PCDHGB2: variants seen among roughly 807,000 people sequenced by gnomAD.
The protein encoded by PCDHGB2 is protocadherin gamma subfamily B, 2.
In PCDHGB2, 55 loss-of-function variants were observed where a neutral mutation model predicts 59.3. The observed-to-expected ratio is 0.93, with a 90% confidence interval of 0.75 to 1.16. PCDHGB2 has a LOEUF of 1.16. Among genes scored for constraint, PCDHGB2 ranks in the 50% most tolerant of loss-of-function variants. The pLI, the probability that PCDHGB2 is intolerant of heterozygous loss-of-function variation, is 0.00. For synonymous variants in PCDHGB2, 516 were observed against 512.0 expected (o/e 1.01, Z -0.11); for missense variants, 1,228 against 1,198.5 (o/e 1.02, Z -0.36).
At chr5:141,500,215 T>G (rs888740312) in intron 2 of PCDHGB2, among the ~76,000 whole-genome samples, 8 of 150,660 alleles carry the variant, frequency 5.3e-5, no homozygotes, top group African/African-American at 1.9e-4. Context: ...TTTATTTATT[T>G]ATTTATTTAT....
At chr5:141,427,566 C>A (rs1218268757) in intron 1 of PCDHGB2, 1 of 659,032 alleles carries the variant, frequency 1.5e-6, no homozygotes, top group Non-Finnish European at 2.8e-6. Context: ...CAAGGGCAAG[C>A]CTCCGCTCTC....
intron 1 of PCDHGB2, among the ~76,000 whole-genome samples, chr5:141,446,764 G>A (rs2098514605): frequency 6.6e-6 from 1 of 152,214 alleles, no homozygotes; most frequent in Non-Finnish European, 1.5e-5. Context: ...ACCGCGCCCA[G>A]CCGGTTACCA....
chr5:141,375,629 G>A (rs567513392), intron 1 of PCDHGB2: 3 of 1,614,192 alleles, frequency 1.9e-6, no homozygotes, highest in Admixed American at 1.7e-5. Flanking sequence ...GATTCTGTAC[G>A]CCCTGCGCTC....
chr5:141,364,637 G>A lies in PCDHGB2; in HGVS notation c.2421+2081G>A, dbSNP rs979445562. ...GCTCTGCGCTCAGAGCCCACTGTGT[G>A]TGGTGAACTTTAACATCTTGGTTGA... is the stretch of plus-strand genomic sequence containing the variant. On this transcript the variant is annotated intron_variant, in intron 1 of 3. Transcript: ENST00000522605. 1.7e-5 allele frequency: 28 copies of A among 1,614,030 alleles called. No homozygotes were observed. Among genetic ancestry groups the A allele is most frequent in the Non-Finnish European group, 2.4e-5 (28 of 1,179,966 alleles).
At chr5:141,405,173 G>A (rs774181376) in intron 1 of PCDHGB2, 1 of 1,614,122 alleles carries the variant, frequency 6.2e-7, no homozygotes, top group Non-Finnish European at 8.5e-7. Context: ...CTCACACTTT[G>A]TGGGTGTAGA....
intron 1 of PCDHGB2, among the ~76,000 whole-genome samples, chr5:141,387,526 G>C (rs186607627): frequency 2.0e-5 from 3 of 152,206 alleles, no homozygotes; most frequent in African/African-American, 7.2e-5. Context: ...ATATACAGAC[G>C]TATCCACGTA....
rs1404656316 is a variant in PCDHGB2 at position 141,486,648 on chromosome 5, A to G, written c.2422-8159A>G. 6.2e-7 allele frequency: 1 copy of G among 1,613,298 alleles called. No individual in the cohort carries two copies. The highest frequency in any genetic ancestry group is 8.5e-7 in the Non-Finnish European group (1 of 1,179,892). The stretch of plus-strand genomic sequence containing the variant: ...TCTGGCTTGAATGCGCTTATCTCCT[A>G]CTCACTCCTGGAGCCCAGGAATCGA... On this transcript the variant is annotated intron_variant, in intron 1 of 3. Coordinates refer to ENST00000522605, the MANE Select transcript of PCDHGB2 (RefSeq NM_018923.3). This position sits in a 1 kb window ranked among gnomAD's most constrained non-coding sequence, Gnocchi z 5.0.
chr5:141,459,757 G>A (rs1360124889), intron 1 of PCDHGB2, among the ~76,000 whole-genome samples: 3 of 152,162 alleles, frequency 2.0e-5, no homozygotes, highest in Admixed American at 2.0e-4. Context: ...ATTCTAGTGG[G>A]TGTGTGATAC....
At position 141,511,456 on chromosome 5, in the gene PCDHGB2, C is replaced by A. The variant is rs900802210; in HGVS notation, c.*283C>A. ...TACTGTAGACACCAAGAACCATTTG[C>A]CACACCCCGTTTAGTTACAGCTGAA... On this transcript the variant is annotated 3_prime_UTR_variant, in exon 4 of 4. Transcript: ENST00000522605. 3.4e-6 allele frequency: 2 copies of A among 585,210 alleles called. No homozygotes were observed. The highest frequency in any genetic ancestry group is 5.7e-6 in the Non-Finnish European group (2 of 351,786). 36.3% of individuals were successfully genotyped at this position (585,210 alleles called of 1,614,324 possible).
chr5:141,408,344 G>A, intron 1 of PCDHGB2: 1 of 1,613,958 alleles, frequency 6.2e-7, no homozygotes, highest in East Asian at 2.2e-5. Flanking sequence ...CTCGGTGGTG[G>A]GGAACCTCGC....
rs1477077191 is a variant in PCDHGB2, at chr5:141,427,802, C to T, written c.2421+65246C>T. 7.3e-6 allele frequency: 11 copies of T among 1,510,148 alleles called. No individual in the cohort carries two copies. In the South Asian group the frequency reaches 9.0e-5, roughly 12 times the overall value. The allele number at this position is 1,510,148 out of a possible 1,614,324, so 93.5% of individuals were successfully genotyped here. A position where few individuals can be genotyped will look rare whatever the true frequency, so the allele number is the denominator to read the frequency against. On this transcript the variant is annotated intron_variant, in intron 1 of 3. Transcript: ENST00000522605. ...CACTGTCGTCCTACGTGTCCGTGAG[C>T]GCACAGAGCGGGGTGGTGGTCGCGC... is the stretch of plus-strand genomic sequence containing the variant.
chr5:141,457,471 C>T (rs1478580665), intron 1 of PCDHGB2, among the ~76,000 whole-genome samples: 1 of 152,182 alleles, frequency 6.6e-6, no homozygotes, highest in African/African-American at 2.4e-5. Context: ...CAGGAATAAG[C>T]AGGGCCAGGG....
intron 1 of PCDHGB2, chr5:141,442,382 T>C (rs1256682275): frequency 6.6e-6 from 1 of 152,290 alleles, no homozygotes; most frequent in East Asian, 1.9e-4. Flanking sequence ...CTACCAGGTG[T>C]GTGCTTCTCC....
Position 141,470,005 on chromosome 5 carries a change from T to A in PCDHGB2, c.2422-24802T>A, listed in dbSNP as rs189976589. Reference sequence around the variant, plus strand: ...AATTAGCTGGTCGTCGTGGCACGCCTGTAATCCCAGCTACTCGGGATGCTG... The same window carrying A: ...AATTAGCTGGTCGTCGTGGCACGCCAGTAATCCCAGCTACTCGGGATGCTG... On this transcript the variant is annotated intron_variant, in intron 1 of 3. Coordinates refer to ENST00000522605, the MANE Select transcript of PCDHGB2 (RefSeq NM_018923.3). 2.4e-4 allele frequency among the ~76,000 whole-genome samples: 37 copies of A among 152,254 alleles called. 2 individuals carry two copies. The highest frequency in any genetic ancestry group is 7.2e-4 in the Admixed American group (11 of 15,274).
chr5:141,374,390 C>T, intron 1 of PCDHGB2: 2 of 1,614,024 alleles, frequency 1.2e-6, no homozygotes, highest in Non-Finnish European at 1.7e-6. Flanking sequence ...CCCGCGGTGT[C>T]TGGTGAGTTT....
At chr5:141,422,272 A>G in intron 1 of PCDHGB2, 1 of 1,561,362 alleles carries the variant, frequency 6.4e-7, no homozygotes, top group Non-Finnish European at 8.6e-7. Context: ...TCCAGAAATA[A>G]CTATCACCTC....
At chr5:141,389,508 G>A (rs369319162) in intron 1 of PCDHGB2, 3 of 1,613,090 alleles carry the variant, frequency 1.9e-6, no homozygotes, top group Non-Finnish European at 2.5e-6. Flanking sequence ...AGCGCTCAGC[G>A]CGAACGTGAG....
intron 1 of PCDHGB2, among the ~76,000 whole-genome samples, chr5:141,464,723 T>A (rs1166321691): frequency 6.6e-6 from 1 of 152,156 alleles, no homozygotes; most frequent in Non-Finnish European, 1.5e-5. Flanking sequence ...TTTCATATGT[T>A]TAAAAGCCAG....
intron 1 of PCDHGB2, chr5:141,411,352 C>T (rs1002274073): frequency 2.6e-5 from 4 of 152,176 alleles, no homozygotes; most frequent in African/African-American, 9.7e-5. Flanking sequence ...GAAAGTATCA[C>T]TTGAGCCCAA....
Sources: allele counts gnomAD v4.1 joint callset (sites outside exome capture counted in the v4.1 genomes callset), GRCh38; gene constraint gnomAD v4.1.1; non-coding constraint Gnocchi (gnomAD v3.1); transcripts MANE v1.5; gene names NCBI Gene and HGNC (gene_info 2026-07-23, HGNC 2026-07-21).